FAM162A: variants seen among roughly 807,000 people sequenced by gnomAD.
FAM162A encodes family with sequence similarity 162 member A.
Under a neutral mutation model 21.8 loss-of-function variants are expected in FAM162A, and 23 were observed. The observed-to-expected ratio is 1.05, with a 90% CI of 0.76 to 1.49. The LOEUF (loss-of-function observed/expected upper bound fraction) is 1.49. Ranked by LOEUF, FAM162A falls within the 40% of genes most tolerant of loss-of-function variation. The pLI, the probability that FAM162A is intolerant of heterozygous loss-of-function variation, is 0.00. For synonymous variants in FAM162A, 53 were observed against 61.3 expected, an observed-to-expected ratio of 0.86 and a Z score of 0.64; for missense variants, 165 against 186.4, an observed-to-expected ratio of 0.89 and a Z score of 0.67.
chr3:122,397,731 C>A (rs930590957), intron 1 of FAM162A, among the ~76,000 whole-genome samples: 1 of 152,132 alleles, frequency 6.6e-6, no homozygotes, highest in Non-Finnish European at 1.5e-5. Context: ...TAAAATTATT[C>A]ATGCTAAAGC....
intron 3 of FAM162A, among the ~76,000 whole-genome samples, chr3:122,404,795 A>G (rs1001820311): frequency 6.6e-6 from 1 of 152,046 alleles, no homozygotes; most frequent in African/African-American, 2.4e-5. Flanking sequence ...TCCTGTCACC[A>G]ACTTCCTTAA....
chr3:122,406,685 C>G (rs2075677478), intron 3 of FAM162A, among the ~76,000 whole-genome samples: 2 of 152,198 alleles, frequency 1.3e-5, no homozygotes, highest in Non-Finnish European at 2.9e-5. Context: ...AAAGGATCTT[C>G]CTACTATTTT....
intron 1 of FAM162A, among the ~76,000 whole-genome samples, chr3:122,402,353 C>T (rs555747426): frequency 6.6e-6 from 1 of 152,042 alleles, no homozygotes; most frequent in South Asian, 2.1e-4. Flanking sequence ...CACTGCAGCC[C>T]CCTAACCAGT....
chr3:122,393,534 T>C (rs7647266), intron 1 of FAM162A, among the ~76,000 whole-genome samples: 90,855 of 151,964 alleles, frequency 0.6, 27,383 homozygotes, highest in East Asian at 0.69. Context: ...TTTAAGAGTT[T>C]TCCAAAACTT....
At chr3:122,394,816 C>G (rs1173559418) in intron 1 of FAM162A, among the ~76,000 whole-genome samples, 1 of 151,846 alleles carries the variant, frequency 6.6e-6, no homozygotes, top group Admixed American at 6.6e-5. Context: ...TACCAAACCC[C>G]TCCCAAAAAA....
intron 1 of FAM162A, among the ~76,000 whole-genome samples, chr3:122,386,875 A>G (rs2075576821): frequency 6.6e-6 from 1 of 152,306 alleles, no homozygotes; most frequent in East Asian, 1.9e-4. Context: ...TCAAATTTTT[A>G]TGATTGTATA....
At chr3:122,389,652 T>TTA (rs1263559859) in intron 1 of FAM162A, among the ~76,000 whole-genome samples, 1 of 152,190 alleles carries the variant, frequency 6.6e-6, no homozygotes, top group African/African-American at 2.4e-5. Context: ...TATACAGCTA[T>TTA]TAAAAGTATT....
chr3:122,402,947 A>G, intron 2 of FAM162A, 65 bp downstream of exon 2: 1 of 1,499,576 alleles, frequency 6.7e-7, no homozygotes, highest in Non-Finnish European at 8.9e-7. Context: ...ACTTGGAATC[A>G]AAAGAACCCA....
intron 1 of FAM162A, 44 bp from the exon 2 acceptor site, chr3:122,402,716 T>TTTTCTTTC (rs3838601): frequency 2.9e-4 from 419 of 1,466,404 alleles, no homozygotes; most frequent in Non-Finnish European, 3.5e-4. Flanking sequence ...AAACATCACA[T>TTTTCTTTC]TTTCTTTCTT....
chr3:122,407,841 A>C (rs1464237572), intron 4 of FAM162A: 2 of 183,182 alleles, frequency 1.1e-5, no homozygotes, highest in African/African-American at 4.7e-5. Flanking sequence ...TCTAAGGACC[A>C]CAGCTCCTAA....
intron 1 of FAM162A, among the ~76,000 whole-genome samples, chr3:122,389,177 G>A (rs1422817086): frequency 6.6e-6 from 1 of 152,170 alleles, no homozygotes; most frequent in Non-Finnish European, 1.5e-5. Context: ...TGAAGTAGTA[G>A]ATACATGCCA....
intron 1 of FAM162A, among the ~76,000 whole-genome samples, chr3:122,399,254 A>G (rs2075642673): frequency 6.6e-6 from 1 of 152,198 alleles, no homozygotes; most frequent in East Asian, 1.9e-4. Flanking sequence ...GTGTTCCTAC[A>G]GAGGACATGC....
chr3:122,399,207 G>A (rs561100285), intron 1 of FAM162A, among the ~76,000 whole-genome samples: 68 of 152,250 alleles, frequency 4.5e-4, no homozygotes, highest in African/African-American at 1.4e-3. Context: ...TCCTGTGTTA[G>A]TTTGCTAAGG....
intron 2 of FAM162A, among the ~76,000 whole-genome samples, chr3:122,403,914 C>T (rs551375057): frequency 6.6e-6 from 1 of 152,290 alleles, no homozygotes; most frequent in South Asian, 2.1e-4. Flanking sequence ...CTTCCTAAAA[C>T]ATTAGTTTCT....
In FAM162A at chr3:122,409,810, T is replaced by C. The variant is rs1244625415; in HGVS notation, c.444T>C (p.Ala148=). 2 of 1,614,006 alleles carry C rather than the reference T, an allele frequency of 1.2e-6. No individual in the cohort carries two copies. Among genetic ancestry groups the C allele is most frequent in the African/African-American group, 1.3e-5 (1 of 75,028 alleles). The change falls in exon 5 of 5, where the codon GCT becomes GCC. Residue 148 remains alanine (A), a synonymous_variant. Transcript: ENST00000477892. ...EKKARLKEEA[A]MKAKTE ...AAGCTCGTCTGAAAGAGGAAGCAGC[T>C]ATGAAGGCCAAAACAGAGTAGCAGA...
chr3:122,386,005 A>C (rs1345323597), intron 1 of FAM162A, among the ~76,000 whole-genome samples: 8 of 152,204 alleles, frequency 5.3e-5, no homozygotes, highest in African/African-American at 1.9e-4. Flanking sequence ...TTGCCAAAAA[A>C]TGTTAGAGCC....
intron 1 of FAM162A, among the ~76,000 whole-genome samples, chr3:122,394,827 AT>A (rs1244856521): frequency 6.6e-6 from 1 of 151,874 alleles, no homozygotes; most frequent in Non-Finnish European, 1.5e-5. Context: ...TCCCAAAAAA[AT>A]CTCAAGAAAA....
chr3:122,404,054 A>C (rs1014311114), intron 2 of FAM162A, among the ~76,000 whole-genome samples: 1 of 152,074 alleles, frequency 6.6e-6, no homozygotes, highest in Non-Finnish European at 1.5e-5. Flanking sequence ...CAAGCTCCTC[A>C]CCGTTTCCTT....
intron 3 of FAM162A, among the ~76,000 whole-genome samples, chr3:122,405,311 C>T (rs2075671979): frequency 6.6e-6 from 1 of 152,194 alleles, no homozygotes; most frequent in African/African-American, 2.4e-5. Flanking sequence ...GATCTGAGCT[C>T]ATTCAGGATT....
Sources: gnomAD v4.1 joint callset for allele counts (sites outside exome capture counted in the v4.1 genomes callset) on GRCh38, gnomAD v4.1.1 for gene constraint, MANE v1.5 for transcripts, NCBI Gene and HGNC (gene_info 2026-07-23, HGNC 2026-07-21) for gene names.